Variants in MTMR2 observed in about 807,000 individuals in gnomAD.
MTMR2 encodes the protein phosphatidylinositol-3,5-bisphosphate 3-phosphatase MTMR2.
A neutral mutation model predicts 86.9 loss-of-function variants in MTMR2; 55 were observed. The observed-to-expected ratio is 0.63, with a 90% CI of 0.51 to 0.79. The LOEUF (loss-of-function observed/expected upper bound fraction) is 0.79, where lower values mean the gene tolerates loss of function less well. Among genes scored for constraint, MTMR2 ranks in the 30% least tolerant of loss-of-function variants. MTMR2 has a pLI of 0.00. For missense variants in MTMR2, 659 were observed against 772.3 expected (o/e 0.85, Z 1.74); for synonymous variants, 241 against 266.8 (o/e 0.90, Z 0.94).
In MTMR2 at chr11:95,858,617, G is replaced by A; in HGVS notation, c.484C>T (p.Arg162Ter). 3.1e-6 allele frequency: 5 copies of A among 1,608,042 alleles called. No individual in the cohort carries two copies. The highest frequency in any genetic ancestry group is 4.3e-6 in the Non-Finnish European group (5 of 1,174,888). The change falls in exon 6 of 15, where the codon CGA becomes TGA. Residue 162 changes from arginine (R) to a stop codon, truncating the protein, a stop_gained. Coordinates refer to ENST00000346299, the MANE Select transcript of MTMR2 (RefSeq NM_016156.6). LOFTEE classifies it high-confidence loss of function. The stretch of plus-strand genomic sequence containing the variant: ...CGCCCCTCAGGTTTATGAGCAAATC[G>A]TAAATTCCTAATATCCTAGAAAAGA... The part of the protein sequence containing the change: ...ETVCKDIRNL[R>*]FAHKPEGRTR...
At chr11:95,861,887 T>G (rs1864432447) in intron 5 of MTMR2, 105 bp downstream of exon 5, 1 of 884,824 alleles carries the variant, frequency 1.1e-6, no homozygotes, top group African/African-American at 1.7e-5. Flanking sequence ...ACATTTCTAA[T>G]TGGAAATCCA....
intron 2 of MTMR2, among the ~76,000 whole-genome samples, chr11:95,872,790 C>T (rs1864941820): frequency 6.6e-6 from 1 of 152,170 alleles, no homozygotes; most frequent in Non-Finnish European, 1.5e-5. Flanking sequence ...TACGTCCCAT[C>T]AATACCTAAT....
At chr11:95,923,713 G>A in intron 1 of MTMR2, 162 bp downstream of exon 1, 2 of 1,440,144 alleles carry the variant, frequency 1.4e-6, no homozygotes, top group Non-Finnish European at 1.8e-6. Flanking sequence ...CAGCCTCCAC[G>A]CCCCAGGGAG....
chr11:95,910,039 T>G (rs919119226), intron 1 of MTMR2, among the ~76,000 whole-genome samples: 6 of 151,956 alleles, frequency 3.9e-5, no homozygotes, highest in African/African-American at 1.5e-4. Flanking sequence ...AAGTTTTAGT[T>G]AACTGATGAA....
chr11:95,900,738 C>T (rs932721680), intron 1 of MTMR2, among the ~76,000 whole-genome samples: 9 of 152,196 alleles, frequency 5.9e-5, no homozygotes, highest in Admixed American at 1.3e-4. Context: ...TGCACGCACA[C>T]ACACTCACAT....
intron 5 of MTMR2, among the ~76,000 whole-genome samples, chr11:95,859,275 C>G (rs1174828251): frequency 6.6e-6 from 1 of 152,186 alleles, no homozygotes; most frequent in Non-Finnish European, 1.5e-5. Flanking sequence ...TTTATATTAT[C>G]CAGGCTCTAC....
chr11:95,869,938 G>C (rs1864789973), intron 2 of MTMR2, among the ~76,000 whole-genome samples: 2 of 152,058 alleles, frequency 1.3e-5, no homozygotes, highest in Non-Finnish European at 2.9e-5. Context: ...AAGTATCTGG[G>C]GTGACAAGTT....
chr11:95,865,673 G>A lies in MTMR2; in HGVS notation c.190C>T (p.Leu64=). The part of the protein sequence containing the change: ...ADNFSPDLRV[L]RESNKLAEME... ...TCTGCTAACTTGTTAGACTCCCTCA[G>A]GACCTGGGGTGGGAAAGACAAAAAA... Residue 64 remains leucine (L), a synonymous_variant, in exon 3 of 15, where the codon CTG becomes TTG. Coordinates refer to ENST00000346299, the MANE Select transcript of MTMR2 (RefSeq NM_016156.6). The A allele has an allele frequency of 6.2e-7, 1 of 1,613,666 alleles. No individual in the cohort carries two copies.
chr11:95,836,706 C>T (rs1022714542), intron 13 of MTMR2, among the ~76,000 whole-genome samples: 1 of 151,848 alleles, frequency 6.6e-6, no homozygotes, highest in Non-Finnish European at 1.5e-5. Flanking sequence ...ATTATTCAGC[C>T]ATAAAAAGAA....
chr11:95,868,575 G>A (rs1319640703), intron 2 of MTMR2, among the ~76,000 whole-genome samples: 2 of 151,498 alleles, frequency 1.3e-5, no homozygotes, highest in Non-Finnish European at 2.9e-5. Flanking sequence ...GAAAAGAATT[G>A]TATTTTCTAA....
intron 1 of MTMR2, 194 bp downstream of exon 1, chr11:95,923,681 C>A (rs1345170000): frequency 3.5e-6 from 5 of 1,427,326 alleles, no homozygotes; most frequent in South Asian, 1.5e-5. Flanking sequence ...AAAGAAGCAG[C>A]GAGTTTTAAC....
intron 2 of MTMR2, among the ~76,000 whole-genome samples, chr11:95,866,835 A>T (rs866140087): frequency 1.6e-4 from 25 of 151,734 alleles, no homozygotes; most frequent in Middle Eastern, 3.4e-3. Context: ...TCACATCCTG[A>T]CTGCACCACA....
intron 2 of MTMR2, among the ~76,000 whole-genome samples, chr11:95,875,463 T>C (rs1412913765): frequency 2.0e-5 from 3 of 152,230 alleles, no homozygotes; most frequent in Non-Finnish European, 4.4e-5. Flanking sequence ...CTTTCAGGAC[T>C]TCACTGCATT....
intron 3 of MTMR2, 67 bp from the exon 4 acceptor site, chr11:95,862,433 A>T (rs1209551628): frequency 2.2e-5 from 27 of 1,207,578 alleles, no homozygotes; most frequent in Non-Finnish European, 3.2e-5. Context: ...ATCTCATCTT[A>T]TAAAATTGTT....
intron 12 of MTMR2, among the ~76,000 whole-genome samples, chr11:95,841,406 G>A (rs1202048586): frequency 6.6e-6 from 1 of 152,086 alleles, no homozygotes; most frequent in Non-Finnish European, 1.5e-5. Context: ...TATTATCAAT[G>A]CTACTCACTG....
intron 11 of MTMR2, among the ~76,000 whole-genome samples, chr11:95,844,571 A>G (rs1223354543): frequency 6.6e-6 from 1 of 152,154 alleles, no homozygotes; most frequent in Non-Finnish European, 1.5e-5. Context: ...CTGTATAAAC[A>G]CTGCTAGTAT....
At chr11:95,847,643 A>G (rs1367838834) in intron 10 of MTMR2, 71 bp downstream of exon 10, 3 of 1,365,826 alleles carry the variant, frequency 2.2e-6, no homozygotes, top group Non-Finnish European at 3.1e-6. Flanking sequence ...GATTGCAATT[A>G]TAAGTAAAAA....
At position 95,835,065 on chromosome 11, in the gene MTMR2, A is replaced by ATACT; in HGVS notation, c.*221_*224dup. ...ATTGAAGTATTTTAATATTCTTTGG[A>ATACT]TACTTAAAAGATTAGTATCATAATC... On this transcript the variant is annotated 3_prime_UTR_variant, in exon 15 of 15. Coordinates refer to ENST00000346299, the MANE Select transcript of MTMR2 (RefSeq NM_016156.6). The ATACT allele has an allele frequency of 3.7e-6, 2 of 543,580 alleles. No individual in the cohort carries two copies. Among genetic ancestry groups the ATACT allele is most frequent in the Non-Finnish European group, 6.6e-6 (2 of 302,664 alleles). The allele number at this position is 543,580 out of a possible 1,614,324, so 33.7% of individuals were successfully genotyped here. A position where few individuals can be genotyped will look rare whatever the true frequency, so the allele number is the denominator to read the frequency against.
chr11:95,874,706 T>A (rs536852117), intron 2 of MTMR2, among the ~76,000 whole-genome samples: 1 of 152,344 alleles, frequency 6.6e-6, no homozygotes, highest in East Asian at 1.9e-4. Flanking sequence ...TCTTTACAAT[T>A]TGGCATGTTT....
Sources: allele counts gnomAD v4.1 joint callset (sites outside exome capture counted in the v4.1 genomes callset), GRCh38; gene constraint gnomAD v4.1.1; transcripts MANE v1.5; gene names NCBI Gene and HGNC (gene_info 2026-07-23, HGNC 2026-07-21).